The following CNOT4 variants were observed in gnomAD, a reference collection of about 807,000 sequenced individuals.
The protein encoded by CNOT4 is CCR4-NOT transcription complex subunit 4.
In CNOT4, 8 loss-of-function variants were observed where a neutral mutation model predicts 73.8. That is an observed-to-expected ratio of 0.11 (90% CI 0.06 to 0.20). The LOEUF is 0.20. Ranked by LOEUF, CNOT4 falls within the 10% of genes least tolerant of loss-of-function variation. CNOT4 has a pLI of 1.00. For synonymous variants in CNOT4, 293 were observed against 321.1 expected (o/e 0.91, Z 0.94); for missense variants, 564 against 883.4 (o/e 0.64, Z 4.58).
chr7:135,375,186 G>T (rs1461644929), intron 10 of CNOT4, among the ~76,000 whole-genome samples: 1 of 152,172 alleles, frequency 6.6e-6, no homozygotes, highest in African/African-American at 2.4e-5. Context: ...ATTCAAGTGT[G>T]AGCTTCATAT....
rs116529136 is a variant in CNOT4 at position 135,411,408 on chromosome 7, A to G, written c.688-760T>C. Among the ~76,000 whole-genome samples the G allele has an allele frequency of 3.3e-3, 505 of 152,088 alleles. 1 individual carries two copies. The highest frequency in any genetic ancestry group is 0.011 in the African/African-American group (475 of 41,548). Reference sequence around the variant, plus strand: ...AGTAAAGTAGTTGTGACAGAAGACTACATACATAGCTCAGAAACCCTAAAA... The same window carrying G: ...AGTAAAGTAGTTGTGACAGAAGACTGCATACATAGCTCAGAAACCCTAAAA... On this transcript the variant is annotated intron_variant, in intron 6 of 11. Coordinates refer to ENST00000541284, the MANE Select transcript of CNOT4 (RefSeq NM_001190850.2).
At chr7:135,443,368 A>C (rs1044710915) in intron 1 of CNOT4, among the ~76,000 whole-genome samples, 58 of 151,762 alleles carry the variant, frequency 3.8e-4, no homozygotes, top group African/African-American at 1.2e-3. Context: ...AAAAAAAAAA[A>C]GCCTTTTCAT....
chr7:135,386,516 A>T (rs960232202), intron 10 of CNOT4: 5 of 152,152 alleles, frequency 3.3e-5, no homozygotes, highest in African/African-American at 1.2e-4. Flanking sequence ...TATGTGTTGT[A>T]TAATTTCTTC....
chr7:135,386,948 G>T, intron 10 of CNOT4: 2 of 335,586 alleles, frequency 6.0e-6, no homozygotes, highest in Non-Finnish European at 8.5e-6. Context: ...TTTGTAAGAA[G>T]ATCCAGGCAA....
At chr7:135,480,888 C>CA (rs202103531) in intron 1 of CNOT4, among the ~76,000 whole-genome samples, 5,972 of 75,530 alleles carry the variant, frequency 0.079, 248 homozygotes, top group African/African-American at 0.18. Flanking sequence ...TATCTATATG[C>CA]AAAAAAAAAA....
rs73450380 is a variant in CNOT4 at position 135,416,305 on chromosome 7, T to A, written c.373-1043A>T. 7.3e-3 allele frequency among the ~76,000 whole-genome samples: 1,112 copies of A among 151,840 alleles called. 15 individuals carry two copies. The highest frequency in any genetic ancestry group is 0.026 in the African/African-American group (1,060 of 41,532). Reference sequence around the variant, plus strand: ...GCTTCATGAATAAATCTACGGCGGGTGTATCATTAATTCTTAGTCTTCTAC... The same window carrying A: ...GCTTCATGAATAAATCTACGGCGGGAGTATCATTAATTCTTAGTCTTCTAC... On this transcript the variant is annotated intron_variant, in intron 3 of 11. Coordinates refer to ENST00000541284, the MANE Select transcript of CNOT4 (RefSeq NM_001190850.2).
At chr7:135,394,473 T>G in intron 9 of CNOT4, 58 bp from the exon 10 acceptor site, 1 of 1,354,058 alleles carries the variant, frequency 7.4e-7, no homozygotes, top group Admixed American at 2.2e-5. Flanking sequence ...TCATACTTAA[T>G]AAGTATCCAT....
intron 10 of CNOT4, among the ~76,000 whole-genome samples, chr7:135,372,788 C>G (rs2129482618): frequency 6.6e-6 from 1 of 152,236 alleles, no homozygotes; most frequent in South Asian, 2.1e-4. Context: ...AATGCCTGAC[C>G]TCGTGATCCA....
At chr7:135,370,732 T>TTAATTC (rs1233609073) in intron 10 of CNOT4, among the ~76,000 whole-genome samples, 1 of 152,192 alleles carries the variant, frequency 6.6e-6, no homozygotes, top group East Asian at 1.9e-4. Context: ...CAAAATCTGT[T>TTAATTC]TAATTCCTAT....
intron 10 of CNOT4, among the ~76,000 whole-genome samples, chr7:135,389,157 C>CAAAAAA (rs11292254): frequency 2.7e-4 from 23 of 83,674 alleles, no homozygotes; most frequent in African/African-American, 5.8e-4. Flanking sequence ...AACATACTAC[C>CAAAAAA]AAAAAAAAAA....
At chr7:135,496,006 T>C (rs1803549986) in intron 1 of CNOT4, among the ~76,000 whole-genome samples, 1 of 152,214 alleles carries the variant, frequency 6.6e-6, no homozygotes, top group Admixed American at 6.5e-5. Flanking sequence ...ACAGACTCTC[T>C]TACAGTATAC....
At chr7:135,428,779 T>C (rs1798656154) in intron 2 of CNOT4, among the ~76,000 whole-genome samples, 3 of 152,142 alleles carry the variant, frequency 2.0e-5, no homozygotes, top group African/African-American at 7.2e-5. Flanking sequence ...AGGTTGTATC[T>C]GAAGAGATAA....
intron 2 of CNOT4, among the ~76,000 whole-genome samples, chr7:135,432,161 T>C (rs1474279060): frequency 6.6e-6 from 1 of 152,188 alleles, no homozygotes; most frequent in Non-Finnish European, 1.5e-5. Flanking sequence ...TAATCATCAA[T>C]GGACAGAATA....
In CNOT4 at chr7:135,460,562, G is replaced by A. The variant is rs114303928; in HGVS notation, c.-92-22139C>T. ...ATTAAGTTCATCATTTTACGTAGGT[G>A]CAGTTCCCGGCATCTCAAAACAGCT... is the stretch of plus-strand genomic sequence containing the variant. On this transcript the variant is annotated intron_variant, in intron 1 of 11. Transcript: ENST00000541284. 4.7e-3 allele frequency among the ~76,000 whole-genome samples: 711 copies of A among 152,174 alleles called. 4 individuals carry two copies. The highest frequency in any genetic ancestry group is 0.016 in the African/African-American group (675 of 41,518).
intron 10 of CNOT4, among the ~76,000 whole-genome samples, chr7:135,373,601 C>G (rs1357420415): frequency 6.6e-6 from 1 of 152,004 alleles, no homozygotes; most frequent in Non-Finnish European, 1.5e-5. Context: ...TTTTTGAAAC[C>G]AAGTCTTGCT....
chr7:135,510,040 T>C lies in CNOT4; in HGVS notation c.-244A>G, dbSNP rs545829486. On this transcript the variant is annotated 5_prime_UTR_variant, in exon 1 of 12. It removes the in-frame stop codon of an upstream open reading frame in the 5' UTR. Transcript: ENST00000541284. ...ACCTTTACGGCTGAGAGAGAGACTC[T>C]CAGCTTTCGGTGGGTTCCACAGCCA... is the stretch of plus-strand genomic sequence containing the variant. 2.5e-6 allele frequency: 1 copy of C among 399,136 alleles called. No homozygotes were observed. 24.7% of individuals were successfully genotyped at this position (399,136 alleles called of 1,614,324 possible). A position where few individuals can be genotyped will look rare whatever the true frequency, so the allele number is the denominator to read the frequency against.
At chr7:135,378,263 G>C (rs915723392) in intron 10 of CNOT4, among the ~76,000 whole-genome samples, 1 of 152,134 alleles carries the variant, frequency 6.6e-6, no homozygotes, top group African/African-American at 2.4e-5. Context: ...CAGCACTTTG[G>C]GAGGCCAAGG....
intron 10 of CNOT4, among the ~76,000 whole-genome samples, chr7:135,373,783 T>C (rs1023332585): frequency 6.6e-6 from 1 of 152,136 alleles, no homozygotes; most frequent in African/African-American, 2.4e-5. Flanking sequence ...GGTTTCACCT[T>C]GTTGACCAGG....
chr7:135,499,023 A>C (rs1585739086), intron 1 of CNOT4, among the ~76,000 whole-genome samples: 1 of 152,230 alleles, frequency 6.6e-6, no homozygotes, highest in East Asian at 1.9e-4. Context: ...ATTATTTTAT[A>C]ACTGATTACA....
Sources: gnomAD v4.1 joint callset for allele counts (sites outside exome capture counted in the v4.1 genomes callset) on GRCh38, gnomAD v4.1.1 for gene constraint, MANE v1.5 for transcripts, NCBI Gene and HGNC (gene_info 2026-07-23, HGNC 2026-07-21) for gene names.